Variants in CCDC92B observed in about 807,000 individuals in gnomAD.
CCDC92B encodes the protein coiled-coil domain-containing 92B.
In CCDC92B, 2 loss-of-function variants were observed where a neutral mutation model predicts 5.6. The ratio of observed to expected loss-of-function variants is 0.36; its 90% CI spans 0.15 to 1.12. CCDC92B has a LOEUF of 1.12. Among genes scored for constraint, CCDC92B ranks in the 50% most tolerant of loss-of-function variants. CCDC92B has a pLI of 0.40. For synonymous variants in CCDC92B, 115 were observed against 122.3 expected, an observed-to-expected ratio of 0.94 and a Z score of 0.39; for missense variants, 271 against 262.2, an observed-to-expected ratio of 1.03 and a Z score of -0.23.
intron 2 of CCDC92B, among the ~76,000 whole-genome samples, chr17:2,732,795 C>CTGTT (rs2070809934): frequency 6.6e-6 from 1 of 151,222 alleles, no homozygotes; most frequent in Non-Finnish European, 1.5e-5. Flanking sequence ...GGGCGGATCA[C>CTGTT]GAGGTCAGGA....
At chr17:2,748,376 T>C in intron 1 of CCDC92B, 1 of 985,262 alleles carries the variant, frequency 1.0e-6, no homozygotes. Flanking sequence ...CCAGGCAATT[T>C]GTTGGAATCT....
intron 2 of CCDC92B, among the ~76,000 whole-genome samples, chr17:2,733,260 C>CTT (rs542039561): frequency 1.5e-4 from 20 of 137,070 alleles, no homozygotes; most frequent in African/African-American, 4.0e-4. Context: ...TTCCTCTTCT[C>CTT]TTTTTTTTTT....
In CCDC92B at chr17:2,723,445, C is replaced by G; in HGVS notation, c.*966G>C. On this transcript the variant is annotated 3_prime_UTR_variant, in exon 4 of 4. Coordinates refer to ENST00000614400, the MANE Select transcript of CCDC92B (RefSeq NM_001355573.2). ...ACCTCAGGTGATCCGCCCACCTCGG[C>G]CTCCCAAAGTGCTGGGATTACAGGA... The G allele has an allele frequency of 6.6e-6, 1 of 152,298 alleles. No individual in the cohort carries two copies. The allele number at this position is 152,298 out of a possible 1,614,324, so 9.4% of individuals were successfully genotyped here. A position where few individuals can be genotyped will look rare whatever the true frequency, so the allele number is the denominator to read the frequency against.
intron 3 of CCDC92B, among the ~76,000 whole-genome samples, chr17:2,729,028 A>AT (rs1295997834): frequency 1.3e-5 from 2 of 151,912 alleles, no homozygotes; most frequent in East Asian, 3.9e-4. Flanking sequence ...TCCTTTTAAC[A>AT]TTTTTTTAAT....
At chr17:2,736,535 C>T (rs888630505) in intron 1 of CCDC92B, among the ~76,000 whole-genome samples, 1 of 151,940 alleles carries the variant, frequency 6.6e-6, no homozygotes, top group Non-Finnish European at 1.5e-5. Flanking sequence ...CTGCGTGAGT[C>T]CAGGAGTTTG....
intron 1 of CCDC92B, among the ~76,000 whole-genome samples, chr17:2,738,417 G>A (rs1328268500): frequency 6.6e-6 from 1 of 152,028 alleles, no homozygotes; most frequent in Admixed American, 6.6e-5. Context: ...CCTTCCCCCT[G>A]TAAGATGGGG....
At chr17:2,744,928 G>GCAC (rs539300443) in intron 1 of CCDC92B, among the ~76,000 whole-genome samples, 632 of 151,996 alleles carry the variant, frequency 4.2e-3, no homozygotes, top group African/African-American at 0.014. Context: ...AATTAGCTGG[G>GCAC]CGTGGTGGCG....
At chr17:2,747,569 A>T (rs1293485178) in intron 1 of CCDC92B, among the ~76,000 whole-genome samples, 1 of 152,164 alleles carries the variant, frequency 6.6e-6, no homozygotes, top group African/African-American at 2.4e-5. Context: ...TCTACTAAAA[A>T]TACAAAAATT....
intron 1 of CCDC92B, among the ~76,000 whole-genome samples, chr17:2,737,700 TCTC>T (rs2070872689): frequency 1.3e-5 from 2 of 151,826 alleles, no homozygotes; most frequent in East Asian, 1.9e-4. Context: ...ATGGTCTCGA[TCTC>T]CTGACCACGT....
At chr17:2,748,084 C>A (rs753963656) in intron 1 of CCDC92B, 7 of 527,574 alleles carry the variant, frequency 1.3e-5, no homozygotes, top group South Asian at 9.8e-5. Flanking sequence ...TTTATGGCTT[C>A]TCATAAGAGA....
rs559833889 is a variant in CCDC92B at position 2,724,174 on chromosome 17, G to A, written c.*237C>T. On this transcript the variant is annotated 3_prime_UTR_variant, in exon 4 of 4. Transcript: ENST00000614400. The surrounding 1 kb of genome is among the most constrained non-coding windows in gnomAD (Gnocchi z 5.0). ...GGCGAGTCCTCTCGGTAGAGAAGGTGCCCCCGCTCGGCCCCGCGGAGGAAC... is the reference window on the plus strand; with the variant it reads ...GGCGAGTCCTCTCGGTAGAGAAGGTACCCCCGCTCGGCCCCGCGGAGGAAC... 3.0e-5 allele frequency: 30 copies of A among 985,296 alleles called. No homozygotes were observed. Among genetic ancestry groups the A allele is most frequent in the South Asian group, 4.7e-5 (1 of 21,294 alleles). The allele number at this position is 985,296 out of a possible 1,614,324, so 61.0% of individuals were successfully genotyped here.
intron 2 of CCDC92B, among the ~76,000 whole-genome samples, chr17:2,732,681 T>A (rs1189402842): frequency 3.4e-5 from 5 of 148,406 alleles, no homozygotes; most frequent in African/African-American, 5.0e-5. Context: ...CGTGCCACTG[T>A]ACTCCAGCCA....
At chr17:2,734,395 C>T (rs1377237283) in intron 2 of CCDC92B, among the ~76,000 whole-genome samples, 2 of 152,060 alleles carry the variant, frequency 1.3e-5, no homozygotes, top group African/African-American at 4.8e-5. Flanking sequence ...GTCTCCCTAG[C>T]TAGACCGAGG....
chr17:2,749,570 C>CGGGGCTCTGG lies in CCDC92B; in HGVS notation c.-184_-183insCCAGAGCCCC, dbSNP rs2071030871. 7.2e-6 allele frequency: 1 copy of CGGGGCTCTGG among 138,346 alleles called. No individual in the cohort carries two copies. The highest frequency in any genetic ancestry group is 2.7e-5 in the African/African-American group (1 of 36,808). The allele number at this position is 138,346 out of a possible 1,614,324, so 8.6% of individuals were successfully genotyped here. ...CTGGGAGGCTGCGGGGCAGTCGGGC[C>CGGGGCTCTGG]GGGGCTCCGGGGGGCTCGGGGGCGC... On this transcript the variant is annotated 5_prime_UTR_variant, in exon 1 of 4. Transcript: ENST00000614400.
chr17:2,739,404 G>A (rs1216675041), intron 1 of CCDC92B, among the ~76,000 whole-genome samples: 1 of 151,042 alleles, frequency 6.6e-6, no homozygotes, highest in East Asian at 2.0e-4. Flanking sequence ...AAACAGGCTG[G>A]GCGCGGTGGC....
Position 2,724,400 on chromosome 17 carries a change from C to T in CCDC92B, c.*11G>A. ...CCCGTCCGTCCCGCGTCACCCCGGC[C>T]AGCCTGGCGCCTACTCCGGGTCCCC... On this transcript the variant is annotated 3_prime_UTR_variant, in exon 4 of 4. Transcript: ENST00000614400. The surrounding 1 kb of genome is among the most constrained non-coding windows in gnomAD (Gnocchi z 5.0). 3.0e-6 allele frequency: 3 copies of T among 984,956 alleles called. No individual in the cohort carries two copies. Among genetic ancestry groups the T allele is most frequent in the Non-Finnish European group, 2.4e-6 (2 of 829,782 alleles). 61.0% of individuals were successfully genotyped at this position (984,956 alleles called of 1,614,324 possible).
Position 2,724,472 on chromosome 17 carries a change from G to C in CCDC92B, c.707C>G (p.Pro236Arg), listed in dbSNP as rs1385760913. The C allele has an allele frequency of 2.0e-6, 2 of 980,650 alleles. No individual in the cohort carries two copies. Among genetic ancestry groups the C allele is most frequent in the African/African-American group, 3.5e-5 (2 of 56,904 alleles). 60.7% of individuals were successfully genotyped at this position (980,650 alleles called of 1,614,324 possible). The change falls in exon 4 of 4, where the codon CCG becomes CGG. Residue 236 changes from proline (P) to arginine (R), a missense_variant. Coordinates refer to ENST00000614400, the MANE Select transcript of CCDC92B (RefSeq NM_001355573.2). The surrounding 1 kb of genome is among the most constrained non-coding windows in gnomAD (Gnocchi z 5.0). The stretch of plus-strand genomic sequence containing the variant: ...CGCGGGCTGCGGGCCGGCTCGGTCC[G>C]GGGGCTCCTGGGGAGGCGGCTGGCG... ...SPRQPPPQEP[P>R]DRAGPQPAPS...
rs1035254283 is a variant in CCDC92B, at chr17:2,720,825, A to G, written c.*3586T>C. On this transcript the variant is annotated 3_prime_UTR_variant, in exon 4 of 4. Coordinates refer to ENST00000614400, the MANE Select transcript of CCDC92B (RefSeq NM_001355573.2). ...GTGTTTTTCAGAGATTTTATTAAGA[A>G]TAAGGCATATGACAGTCACCCCTAA... 6.6e-5 allele frequency: 10 copies of G among 152,236 alleles called. No individual in the cohort carries two copies. The highest frequency in any genetic ancestry group is 2.2e-4 in the African/African-American group (9 of 41,466). 9.4% of individuals were successfully genotyped at this position (152,236 alleles called of 1,614,324 possible). A position where few individuals can be genotyped will look rare whatever the true frequency, so the allele number is the denominator to read the frequency against.
At chr17:2,737,129 G>A (rs1057289158) in intron 1 of CCDC92B, among the ~76,000 whole-genome samples, 44 of 151,842 alleles carry the variant, frequency 2.9e-4, no homozygotes, top group Admixed American at 3.3e-4. Context: ...CAGCATCTTG[G>A]ACAAGCAGAG....
Sources: gnomAD v4.1 joint callset for allele counts (sites outside exome capture counted in the v4.1 genomes callset) on GRCh38, gnomAD v4.1.1 for gene constraint, Gnocchi (gnomAD v3.1) non-coding constraint, MANE v1.5 for transcripts, NCBI Gene and HGNC (gene_info 2026-07-23, HGNC 2026-07-21) for gene names.